Variants in BMP5 observed in about 807,000 individuals in gnomAD.
BMP5 encodes bone morphogenetic protein 5.
BMP5 carries 23 observed loss-of-function variants against 46.6 expected under a neutral mutation model. That is an observed-to-expected ratio of 0.49 (90% CI 0.35 to 0.70). The LOEUF (loss-of-function observed/expected upper bound fraction) is 0.70, where lower values mean the gene tolerates loss of function less well. Among genes scored for constraint, BMP5 ranks in the 30% least tolerant of loss-of-function variants. The pLI is 0.00. For missense variants in BMP5, 545 were observed against 565.6 expected (o/e 0.96, Z 0.37); for synonymous variants, 204 against 191.9 (o/e 1.06, Z -0.52).
intron 3 of BMP5, among the ~76,000 whole-genome samples, chr6:55,783,479 C>T (rs1775375125): frequency 6.6e-6 from 1 of 151,858 alleles, no homozygotes; most frequent in Non-Finnish European, 1.5e-5. Context: ...TTGCTCATGC[C>T]TTATAAGGAT....
chr6:55,774,405 A>G lies in BMP5; in HGVS notation c.833-162T>C, dbSNP rs542682614. Among the ~76,000 whole-genome samples, 3 of 152,074 alleles carry G rather than the reference A, an allele frequency of 2.0e-5. No homozygotes were observed. The South Asian group carries it at 6.2e-4, about 32-fold the overall frequency. On this transcript the variant is annotated intron_variant, in intron 3 of 6. Transcript: ENST00000370830. Reference sequence around the variant, plus strand: ...CTTATAAATATTGAGGCTTACTATTACAGACAATTATCCATCTATGGTGTT... The same window carrying G: ...CTTATAAATATTGAGGCTTACTATTGCAGACAATTATCCATCTATGGTGTT...
chr6:55,801,150 A>G (rs1467840563), intron 2 of BMP5, among the ~76,000 whole-genome samples: 1 of 152,202 alleles, frequency 6.6e-6, no homozygotes, highest in Non-Finnish European at 1.5e-5. Flanking sequence ...ACTACTGTGT[A>G]TCGTTTGGGA....
intron 2 of BMP5, among the ~76,000 whole-genome samples, chr6:55,803,070 G>A (rs954705847): frequency 6.7e-5 from 10 of 148,458 alleles, no homozygotes; most frequent in South Asian, 2.1e-4. Context: ...CAGATTACCC[G>A]AGGTCAGGAG....
At chr6:55,819,385 A>G (rs1183694474) in intron 2 of BMP5, among the ~76,000 whole-genome samples, 2 of 152,180 alleles carry the variant, frequency 1.3e-5, no homozygotes, top group African/African-American at 4.8e-5. Flanking sequence ...ACTTTACAAA[A>G]TGAGACAACA....
At chr6:55,815,465 A>C (rs1472806052) in intron 2 of BMP5, among the ~76,000 whole-genome samples, 1 of 152,206 alleles carries the variant, frequency 6.6e-6, no homozygotes, top group Non-Finnish European at 1.5e-5. Context: ...TGCCAGGTAA[A>C]GATATACATG....
rs139941561 is a variant in BMP5 at position 55,810,918 on chromosome 6, T to C, written c.683+8737A>G. On this transcript the variant is annotated intron_variant, in intron 2 of 6. Coordinates refer to ENST00000370830, the MANE Select transcript of BMP5 (RefSeq NM_021073.4). The stretch of plus-strand genomic sequence containing the variant: ...CACACACATACCTGCCCCCTATCAA[T>C]TGTGGATGACAAAATAAAGTGTTTC... 5.1e-3 allele frequency among the ~76,000 whole-genome samples: 780 copies of C among 152,200 alleles called. 6 individuals are homozygous for C. Among genetic ancestry groups the C allele is most frequent in the African/African-American group, 0.018 (733 of 41,512 alleles).
chr6:55,815,631 TAA>T (rs1776242701), intron 2 of BMP5, among the ~76,000 whole-genome samples: 2 of 152,038 alleles, frequency 1.3e-5, no homozygotes, highest in Admixed American at 6.6e-5. Context: ...GCAGAAACAT[TAA>T]GAGTAATATT....
At chr6:55,814,126 T>C (rs1227685523) in intron 2 of BMP5, among the ~76,000 whole-genome samples, 2 of 152,104 alleles carry the variant, frequency 1.3e-5, no homozygotes, top group African/African-American at 4.8e-5. Flanking sequence ...TTTATTTTAT[T>C]ATTACACTTC....
At chr6:55,843,106 T>C (rs1162165012) in intron 1 of BMP5, among the ~76,000 whole-genome samples, 1 of 152,018 alleles carries the variant, frequency 6.6e-6, no homozygotes, top group African/African-American at 2.4e-5. Context: ...AGCATTAAGA[T>C]TTTTTCTAGT....
At chr6:55,867,483 T>C (rs1265901110) in intron 1 of BMP5, among the ~76,000 whole-genome samples, 1 of 152,162 alleles carries the variant, frequency 6.6e-6, no homozygotes, top group Admixed American at 6.5e-5. Flanking sequence ...ACATTCTGTC[T>C]CTTTTCTTCT....
chr6:55,770,833 A>G (rs898016269), intron 4 of BMP5, among the ~76,000 whole-genome samples: 4 of 151,942 alleles, frequency 2.6e-5, no homozygotes, highest in African/African-American at 9.7e-5. Context: ...GAAGGGAAAG[A>G]GATGGGGTAA....
At chr6:55,765,301 A>G (rs1213030345) in intron 4 of BMP5, among the ~76,000 whole-genome samples, 3 of 152,166 alleles carry the variant, frequency 2.0e-5, no homozygotes, top group Admixed American at 1.3e-4. Context: ...TATAAAAGCA[A>G]AGAAAAATCA....
chr6:55,868,743 TCCA>T (rs1777710150), intron 1 of BMP5, among the ~76,000 whole-genome samples: 1 of 152,184 alleles, frequency 6.6e-6, no homozygotes, highest in South Asian at 2.1e-4. Flanking sequence ...AGGTGAATAC[TCCA>T]CCATTATTTT....
chr6:55,761,900 A>G (rs1774792651), intron 4 of BMP5, among the ~76,000 whole-genome samples: 1 of 152,116 alleles, frequency 6.6e-6, no homozygotes, highest in African/African-American at 2.4e-5. Flanking sequence ...AGTGCCAGGA[A>G]CAGTGCCTGG....
At chr6:55,836,066 T>C (rs555676878) in intron 1 of BMP5, among the ~76,000 whole-genome samples, 18 of 152,244 alleles carry the variant, frequency 1.2e-4, no homozygotes, top group African/African-American at 4.3e-4. Context: ...CCTAGCTCAA[T>C]TTTCCCAATC....
At chr6:55,833,044 A>G (rs967882694) in intron 1 of BMP5, among the ~76,000 whole-genome samples, 4 of 152,146 alleles carry the variant, frequency 2.6e-5, no homozygotes, top group Admixed American at 1.3e-4. Context: ...TGAGCCCAGG[A>G]GTTCAAGGTT....
At chr6:55,815,807 T>A (rs965815684) in intron 2 of BMP5, among the ~76,000 whole-genome samples, 4 of 152,214 alleles carry the variant, frequency 2.6e-5, no homozygotes, top group Admixed American at 2.6e-4. Flanking sequence ...TAAGCATTAG[T>A]TTATTTAGAA....
chr6:55,826,260 A>T (rs1216868218), intron 1 of BMP5, among the ~76,000 whole-genome samples: 2 of 151,828 alleles, frequency 1.3e-5, no homozygotes, highest in Non-Finnish European at 2.9e-5. Context: ...GTTTTGTTTC[A>T]AAGGATAATT....
intron 6 of BMP5, 102 bp downstream of exon 6, chr6:55,758,902 TA>T: frequency 1.2e-6 from 1 of 843,174 alleles, no homozygotes; most frequent in Non-Finnish European, 2.0e-6. Context: ...TTTGAGAAGA[TA>T]AAATAATGCA....
Sources: gnomAD v4.1 joint callset for allele counts (sites outside exome capture counted in the v4.1 genomes callset) on GRCh38, gnomAD v4.1.1 for gene constraint, MANE v1.5 for transcripts, NCBI Gene and HGNC (gene_info 2026-07-23, HGNC 2026-07-21) for gene names.